The following EXOC6 variants were observed in gnomAD, a reference collection of about 807,000 sequenced individuals.
EXOC6 encodes exocyst complex component 6.
EXOC6 carries 60 observed loss-of-function variants against 112.5 expected under a neutral mutation model. The observed-to-expected ratio is 0.53, with a 90% CI of 0.43 to 0.66. The LOEUF is 0.66. EXOC6 is among the 30% of genes least tolerant of loss of function. The pLI, the probability that EXOC6 is intolerant of heterozygous loss-of-function variation, is 0.00. For missense variants in EXOC6, 855 were observed against 957.1 expected (o/e 0.89, Z 1.41); for synonymous variants, 295 against 308.0 (o/e 0.96, Z 0.44).
intron 19 of EXOC6, among the ~76,000 whole-genome samples, chr10:93,005,780 G>A (rs1290015983): frequency 6.6e-6 from 1 of 152,210 alleles, no homozygotes; most frequent in African/African-American, 2.4e-5. Context: ...AGATTAAAGA[G>A]TGCTGGCACC....
intron 17 of EXOC6, among the ~76,000 whole-genome samples, chr10:92,973,790 G>C (rs1842388757): frequency 6.6e-6 from 1 of 151,888 alleles, no homozygotes; most frequent in Non-Finnish European, 1.5e-5. Flanking sequence ...GAACAAGTCA[G>C]GAATTAATAT....
In EXOC6 at chr10:93,058,773, T is replaced by G. The variant is rs1044745072; in HGVS notation, c.*418T>G. On this transcript the variant is annotated 3_prime_UTR_variant, in exon 22 of 22. Transcript: ENST00000260762. ...TGATATGGTAGTATTTCACTACCAT[T>G]TTCTGACTTTTAGCTTTTATTTTCA... is the stretch of plus-strand genomic sequence containing the variant. 2.0e-5 allele frequency: 3 copies of G among 152,478 alleles called. No individual in the cohort carries two copies. The highest frequency in any genetic ancestry group is 7.2e-5 in the African/African-American group (3 of 41,470). 9.4% of individuals were successfully genotyped at this position (152,478 alleles called of 1,614,324 possible).
intron 20 of EXOC6, among the ~76,000 whole-genome samples, chr10:93,035,992 G>A (rs573778392): frequency 1.8e-4 from 28 of 152,226 alleles, no homozygotes; most frequent in Middle Eastern, 3.4e-3. Flanking sequence ...AGGCCGAGGC[G>A]GGCAGATCAC....
intron 11 of EXOC6, among the ~76,000 whole-genome samples, chr10:92,935,457 T>A (rs1852288019): frequency 6.6e-6 from 1 of 152,098 alleles, no homozygotes; most frequent in Non-Finnish European, 1.5e-5. Context: ...TTGTAATTCT[T>A]ATATTGGAAA....
chr10:92,995,428 G>C (rs1444820073), intron 18 of EXOC6, among the ~76,000 whole-genome samples: 1 of 152,102 alleles, frequency 6.6e-6, no homozygotes, highest in Non-Finnish European at 1.5e-5. Context: ...GTAATTTTCT[G>C]GCAATTTATT....
intron 20 of EXOC6, among the ~76,000 whole-genome samples, chr10:93,024,941 A>G (rs1187031802): frequency 6.6e-6 from 1 of 152,134 alleles, no homozygotes; most frequent in Non-Finnish European, 1.5e-5. Flanking sequence ...CGCAGGGATC[A>G]ACATATTTTT....
chr10:93,056,775 C>G (rs1846561121), intron 20 of EXOC6, 149 bp from the exon 21 acceptor site: 1 of 585,524 alleles, frequency 1.7e-6, no homozygotes, highest in African/African-American at 2.0e-5. Flanking sequence ...TTGTAAAGTA[C>G]AGTTAATGAA....
chr10:92,985,369 C>T (rs767987232), intron 18 of EXOC6, among the ~76,000 whole-genome samples: 11 of 152,268 alleles, frequency 7.2e-5, no homozygotes, highest in Non-Finnish European at 1.5e-4. Flanking sequence ...TAGCATATAA[C>T]GGGCAGTGGC....
intron 1 of EXOC6, chr10:92,878,342 G>A (rs957601092): frequency 6.6e-6 from 1 of 152,144 alleles, no homozygotes; most frequent in Admixed American, 6.6e-5. Context: ...GCAGGCACAT[G>A]AAGGTCCAAG....
In EXOC6 at chr10:92,952,242, C is replaced by G. The variant is rs747559475; in HGVS notation, c.1417-31C>G. On this transcript the variant is annotated intron_variant, in intron 14 of 21. Transcript: ENST00000260762. ...ATTAGCATGTCTTTTTCTAAAATTT[C>G]AAAAACAATATTAACTTTCTTTTTC... The G allele has an allele frequency of 1.4e-5, 20 of 1,422,124 alleles. 1 individual carries two copies. The highest frequency in any genetic ancestry group is 1.8e-4 in the Middle Eastern group (1 of 5,630). 88.1% of individuals were successfully genotyped at this position (1,422,124 alleles called of 1,614,324 possible).
intron 4 of EXOC6, among the ~76,000 whole-genome samples, chr10:92,897,065 T>C (rs1434776853): frequency 6.6e-6 from 1 of 152,194 alleles, no homozygotes; most frequent in Non-Finnish European, 1.5e-5. Context: ...TGCATTGTAA[T>C]AGCCATGAAG....
intron 20 of EXOC6, among the ~76,000 whole-genome samples, chr10:93,029,006 T>C (rs1845149963): frequency 6.6e-6 from 1 of 152,116 alleles, no homozygotes; most frequent in African/African-American, 2.4e-5. Flanking sequence ...AAGAGTCAAT[T>C]GATGCAGTAA....
intron 4 of EXOC6, among the ~76,000 whole-genome samples, chr10:92,896,810 C>T (rs1849853934): frequency 6.6e-6 from 1 of 152,138 alleles, no homozygotes; most frequent in Non-Finnish European, 1.5e-5. Flanking sequence ...TCCACCCCAG[C>T]TTCCTAAAGT....
chr10:93,014,241 C>T lies in EXOC6; in HGVS notation c.2143C>T (p.Gln715Ter). 1 of 1,613,336 alleles carries T rather than the reference C, an allele frequency of 6.2e-7. No individual in the cohort carries two copies. The highest frequency in any genetic ancestry group is 8.5e-7 in the Non-Finnish European group (1 of 1,179,490). Reference sequence around the variant, plus strand: ...GCCAGGATTCCAGGGGGATACCCTGCAGCTAGCATTCATTGACCTCAGACA... The same window carrying T: ...GCCAGGATTCCAGGGGGATACCCTGTAGCTAGCATTCATTGACCTCAGACA... Reference protein sequence around the residue: ...PVPGFQGDTLQLAFIDLRQLL... With the variant: ...PVPGFQGDTL Residue 715 changes from glutamine to a stop codon, truncating the protein, a stop_gained, in exon 20 of 22, where the codon CAG becomes TAG. Coordinates refer to ENST00000260762, the MANE Select transcript of EXOC6 (RefSeq NM_019053.6). LOFTEE classifies it high-confidence loss of function.
chr10:92,991,448 A>C (rs143288233), intron 18 of EXOC6, among the ~76,000 whole-genome samples: 78 of 151,882 alleles, frequency 5.1e-4, no homozygotes, highest in African/African-American at 1.2e-3. Flanking sequence ...AAAAAAAAAA[A>C]AAAAACAAAA....
At chr10:93,056,826 G>A in intron 20 of EXOC6, 98 bp from the exon 21 acceptor site, 1 of 678,610 alleles carries the variant, frequency 1.5e-6, no homozygotes, top group Non-Finnish European at 2.6e-6. Flanking sequence ...CATCTAAGAA[G>A]CAAGCCATAT....
At chr10:92,899,681 T>A (rs1850050599) in intron 5 of EXOC6, 37 bp downstream of exon 5, 2 of 1,465,234 alleles carry the variant, frequency 1.4e-6, no homozygotes, top group African/African-American at 1.4e-5. Context: ...TAAATAAGAA[T>A]TTTTTTCTAT....
intron 19 of EXOC6, among the ~76,000 whole-genome samples, chr10:92,998,686 A>G (rs1487480238): frequency 1.3e-5 from 2 of 151,622 alleles, no homozygotes; most frequent in Non-Finnish European, 2.9e-5. Context: ...CTAAAAACCT[A>G]CCCATTTATT....
intron 4 of EXOC6, among the ~76,000 whole-genome samples, chr10:92,896,167 ATATATATATATATATTTTTTTTTTT>A (rs1849786886): frequency 1.7e-4 from 4 of 23,460 alleles, no homozygotes; most frequent in African/African-American, 8.5e-4. Flanking sequence ...ATATATATAT[ATATATATATATATATTTTTTTTTTT>A]TTTTTTTTTT....
Sources: gnomAD v4.1 joint callset for allele counts (sites outside exome capture counted in the v4.1 genomes callset) on GRCh38, gnomAD v4.1.1 for gene constraint, MANE v1.5 for transcripts, NCBI Gene and HGNC (gene_info 2026-07-23, HGNC 2026-07-21) for gene names.